The following PTAR1 variants were observed in gnomAD, a reference collection of about 807,000 sequenced individuals.
PTAR1 encodes the protein protein prenyltransferase alpha subunit repeat containing 1.
Under a neutral mutation model 45.5 loss-of-function variants are expected in PTAR1, and 17 were observed. The observed-to-expected ratio is 0.37, with a 90% CI of 0.26 to 0.56. The LOEUF (loss-of-function observed/expected upper bound fraction) is 0.56. Ranked by LOEUF, PTAR1 falls within the 20% of genes least tolerant of loss-of-function variation. The pLI is 0.77. For synonymous variants in PTAR1, 169 were observed against 171.3 expected (o/e 0.99, Z 0.11); for missense variants, 391 against 476.3 (o/e 0.82, Z 1.67).
intron 5 of PTAR1, among the ~76,000 whole-genome samples, chr9:69,724,537 T>TG (rs1279644154): frequency 6.6e-6 from 1 of 152,242 alleles, no homozygotes; most frequent in African/African-American, 2.4e-5. Context: ...TAATGCTGAA[T>TG]GACACCTTTA....
chr9:69,741,651 T>C, intron 3 of PTAR1, 141 bp downstream of exon 3: 1 of 580,124 alleles, frequency 1.7e-6, no homozygotes, highest in Non-Finnish European at 3.1e-6. Context: ...TATTTAGAAT[T>C]GTCACAGGTA....
Position 69,723,519 on chromosome 9 carries a change from C to T in PTAR1, c.754G>A (p.Val252Met), listed in dbSNP as rs947522177. The change falls in exon 6 of 8, where the codon GTG (valine) becomes ATG (methionine). Residue 252 changes from valine to methionine, a missense_variant. Transcript: ENST00000340434. Reference sequence around the variant, plus strand: ...TGCTCCATCACAGAACTGTCTATCACAGTTTGGCTAATCAAAGACTTAAGC... The same window carrying T: ...TGCTCCATCACAGAACTGTCTATCATAGTTTGGCTAATCAAAGACTTAAGC... ...FLLKSLISQTVIDSSVMEQNP... is the reference protein window; with the variant it reads ...FLLKSLISQTMIDSSVMEQNP... The T allele has an allele frequency of 4.3e-6, 7 of 1,613,794 alleles. No homozygotes were observed. Among genetic ancestry groups the T allele is most frequent in the Non-Finnish European group, 5.9e-6 (7 of 1,179,844 alleles).
Position 69,712,952 on chromosome 9 carries a change from T to C in PTAR1, c.*5390A>G, listed in dbSNP as rs956858791. On this transcript the variant is annotated 3_prime_UTR_variant, in exon 8 of 8. Transcript: ENST00000340434. ...GTAATAGTTTATAAAAAATACGATCTATACTAAAATTTAAGAGCTAATAAT... is the reference window on the plus strand; with the variant it reads ...GTAATAGTTTATAAAAAATACGATCCATACTAAAATTTAAGAGCTAATAAT... 3.9e-5 allele frequency: 6 copies of C among 152,244 alleles called. No individual in the cohort carries two copies. The highest frequency in any genetic ancestry group is 7.4e-5 in the Non-Finnish European group (5 of 68,000). The allele number at this position is 152,244 out of a possible 1,614,324, so 9.4% of individuals were successfully genotyped here.
intron 5 of PTAR1, among the ~76,000 whole-genome samples, chr9:69,724,358 A>T (rs1253233823): frequency 6.6e-6 from 1 of 152,240 alleles, no homozygotes; most frequent in African/African-American, 2.4e-5. Flanking sequence ...ATGATTTTTT[A>T]AAAAGCAGCA....
rs773590010 is a variant in PTAR1 at position 69,738,870 on chromosome 9, C to T, written c.323+2922G>A. Among the ~76,000 whole-genome samples, 5 of 149,286 alleles carry T rather than the reference C, an allele frequency of 3.3e-5. No homozygotes were observed. The East Asian group carries it at 5.9e-4, about 18-fold the overall frequency. On this transcript the variant is annotated intron_variant, in intron 3 of 7. Transcript: ENST00000340434. ...GTCACCAGGCTGGAGTGCAGTGGCA[C>T]GCTCTTGGCTCACTGCAACCTCCGC...
intron 1 of PTAR1, among the ~76,000 whole-genome samples, chr9:69,755,387 T>C (rs767282959): frequency 3.3e-5 from 5 of 152,214 alleles, no homozygotes; most frequent in Non-Finnish European, 5.9e-5. Context: ...GTAACACTGA[T>C]ACTGACTTTG....
chr9:69,733,705 TCAC>T (rs1825654123), intron 4 of PTAR1, among the ~76,000 whole-genome samples: 1 of 152,146 alleles, frequency 6.6e-6, no homozygotes, highest in Admixed American at 6.6e-5. Context: ...ACCACAACCA[TCAC>T]CACCAACATC....
At chr9:69,757,717 G>A (rs1420160861) in intron 1 of PTAR1, 1 of 151,018 alleles carries the variant, frequency 6.6e-6, no homozygotes, top group Non-Finnish European at 1.5e-5. Context: ...ATTAGATACA[G>A]TAAAGTTAGA....
Position 69,715,438 on chromosome 9 carries a change from C to T in PTAR1, c.*2904G>A, listed in dbSNP as rs1323131364. ...GGCACAAGTAGAATCTGGAAAACAC[C>T]GTACTGCCAAAATAGGTACACTAAA... On this transcript the variant is annotated 3_prime_UTR_variant, in exon 8 of 8. Coordinates refer to ENST00000340434, the MANE Select transcript of PTAR1 (RefSeq NM_001099666.2). 2.6e-5 allele frequency: 4 copies of T among 151,982 alleles called. No homozygotes were observed. Among genetic ancestry groups the T allele is most frequent in the East Asian group, 3.9e-4 (2 of 5,178 alleles). 9.4% of individuals were successfully genotyped at this position (151,982 alleles called of 1,614,324 possible). A position where few individuals can be genotyped will look rare whatever the true frequency, so the allele number is the denominator to read the frequency against.
At chr9:69,754,532 C>CTTTTTTTTATTTTT (rs1826676106) in intron 1 of PTAR1, among the ~76,000 whole-genome samples, 1 of 76,260 alleles carries the variant, frequency 1.3e-5, no homozygotes, top group African/African-American at 5.8e-5. Context: ...GGGTATATAT[C>CTTTTTTTTATTTTT]TTTTTTTTTT....
intron 5 of PTAR1, chr9:69,731,899 T>C (rs1825555315): frequency 3.8e-6 from 2 of 530,186 alleles, no homozygotes; most frequent in Non-Finnish European, 6.7e-6. Context: ...CCTCAGTTGG[T>C]TAAACCTGCC....
rs1824619852 is a variant in PTAR1 at position 69,713,863 on chromosome 9, GAAGGATAAAATACCCTACGGGGC to G, written c.*4456_*4478del. 6.6e-6 allele frequency: 1 copy of G among 152,076 alleles called. No homozygotes were observed. Among genetic ancestry groups the G allele is most frequent in the Non-Finnish European group, 1.5e-5 (1 of 67,988 alleles). 9.4% of individuals were successfully genotyped at this position (152,076 alleles called of 1,614,324 possible). ...TGCCTGCTTATATCAGTCTCTCACT[GAAGGATAAAATACCCTACGGGGC>G]CATGCCTAGCGATGGGAATAAATAA... On this transcript the variant is annotated 3_prime_UTR_variant, in exon 8 of 8. Coordinates refer to ENST00000340434, the MANE Select transcript of PTAR1 (RefSeq NM_001099666.2).
intron 1 of PTAR1, chr9:69,758,705 C>T (rs749428304): frequency 1.2e-5 from 5 of 409,410 alleles, no homozygotes; most frequent in Non-Finnish European, 2.5e-5. Flanking sequence ...CAATCATCAC[C>T]TTGGAGGAAA....
In PTAR1 at chr9:69,713,713, A is replaced by AT. The variant is rs1824612401; in HGVS notation, c.*4628dup. On this transcript the variant is annotated 3_prime_UTR_variant, in exon 8 of 8. Coordinates refer to ENST00000340434, the MANE Select transcript of PTAR1 (RefSeq NM_001099666.2). Reference sequence around the variant, plus strand: ...TTGGACGCAGGTTTCAGGCTAATCTATTTGTGCACACACCATCCTCTAAAT... The same window carrying AT: ...TTGGACGCAGGTTTCAGGCTAATCTATTTTGTGCACACACCATCCTCTAAAT... The AT allele has an allele frequency of 6.6e-6, 1 of 152,072 alleles. No individual in the cohort carries two copies. Among genetic ancestry groups the AT allele is most frequent in the Admixed American group, 6.6e-5 (1 of 15,222 alleles). The allele number at this position is 152,072 out of a possible 1,614,324, so 9.4% of individuals were successfully genotyped here.
intron 3 of PTAR1, among the ~76,000 whole-genome samples, chr9:69,735,474 T>C (rs11140057): frequency 0.12 from 18,941 of 152,170 alleles, 1,316 homozygotes; most frequent in East Asian, 0.27. Context: ...AAGCAATTTT[T>C]TCCCCAAATA....
intron 3 of PTAR1, among the ~76,000 whole-genome samples, chr9:69,738,985 T>C (rs1825917064): frequency 6.6e-6 from 1 of 151,956 alleles, no homozygotes. Flanking sequence ...TTTTTTGTAT[T>C]TTAGTAGAGA....
chr9:69,741,293 T>C (rs868633008), intron 3 of PTAR1, among the ~76,000 whole-genome samples: 32 of 152,266 alleles, frequency 2.1e-4, no homozygotes, highest in South Asian at 4.1e-4. Context: ...TCTTGGCCTA[T>C]AACAAACACC....
intron 5 of PTAR1, among the ~76,000 whole-genome samples, chr9:69,725,849 GAAGA>G (rs1264100644): frequency 6.6e-6 from 1 of 152,002 alleles, no homozygotes; most frequent in Non-Finnish European, 1.5e-5. Context: ...GATACTATAT[GAAGA>G]TATGGCTTTA....
At chr9:69,741,932 TTCTCTTTC>T (rs1826061484) in intron 2 of PTAR1, 74 bp from the exon 3 acceptor site, 1 of 881,398 alleles carries the variant, frequency 1.1e-6, no homozygotes, top group Non-Finnish European at 1.8e-6. Context: ...TCTTTTAAGG[TTCTCTTTC>T]TCTCTATCAC....
Sources: allele counts gnomAD v4.1 joint callset (sites outside exome capture counted in the v4.1 genomes callset), GRCh38; gene constraint gnomAD v4.1.1; transcripts MANE v1.5; gene names NCBI Gene and HGNC (gene_info 2026-07-23, HGNC 2026-07-21).